Variants in FAAH2 observed in about 807,000 individuals in gnomAD.
FAAH2 encodes the protein fatty-acid amide hydrolase 2.
Under a neutral mutation model 36.9 loss-of-function variants are expected in FAAH2, and 60 were observed. The ratio of observed to expected loss-of-function variants is 1.63; its 90% confidence interval spans 1.32 to 2.02. The LOEUF is 2.02. FAAH2 is among the 30% of genes most tolerant of loss of function. The pLI, the probability that FAAH2 is intolerant of heterozygous loss-of-function variation, is 0.00. For missense variants in FAAH2, 689 were observed against 397.5 expected (o/e 1.73, Z -6.23); for synonymous variants, 214 against 143.8 (o/e 1.49, Z -3.49).
chrX:57,384,499 C>T (rs1452233035), intron 7 of FAAH2, among the ~76,000 whole-genome samples: 7 of 110,259 alleles, frequency 6.3e-5, no homozygotes, highest in African/African-American at 2.3e-4. Context: ...ACAACCCCAT[C>T]AAAAAGTGGG....
chrX:57,272,257 G>A, the FAAH2 span, among the ~76,000 whole-genome samples: 1 of 110,192 alleles, frequency 9.1e-6, no homozygotes, highest in African/African-American at 3.3e-5. Context: ...GGGACTATGT[G>A]AAAAGACCAA....
chrX:57,430,130 C>T (rs1328408776), intron 7 of FAAH2, among the ~76,000 whole-genome samples: 1 of 111,186 alleles, frequency 9.0e-6, no homozygotes, highest in Non-Finnish European at 1.9e-5. Context: ...CAGACTTCAC[C>T]ATTATGCAAT....
At chrX:57,192,681 T>C in the FAAH2 span, among the ~76,000 whole-genome samples, 4 of 111,954 alleles carry the variant, frequency 3.6e-5, no homozygotes, top group Non-Finnish European at 7.5e-5. Flanking sequence ...GGACCCCAAA[T>C]GGAAGGACTG....
At chrX:57,284,307 A>G (rs1261587662), upstream of FAAH2, among the ~76,000 whole-genome samples, 1 of 111,204 alleles carries the variant, frequency 9.0e-6, no homozygotes, top group East Asian at 2.8e-4. Context: ...CCGGGAGGCA[A>G]AGGTTGCAAT....
intron 7 of FAAH2, among the ~76,000 whole-genome samples, chrX:57,427,149 A>C (rs2056182295): frequency 9.0e-6 from 1 of 110,979 alleles, no homozygotes; most frequent in Admixed American, 9.6e-5. Context: ...GGAAATGGAT[A>C]AATTTCTGGA....
chrX:57,262,649 A>T, the FAAH2 span, among the ~76,000 whole-genome samples: 1 of 111,668 alleles, frequency 9.0e-6, no homozygotes, highest in Non-Finnish European at 1.9e-5. Flanking sequence ...AAATCTAAAT[A>T]AAGATAGTCT....
At chrX:57,300,394 G>T (rs759730993) in intron 2 of FAAH2, among the ~76,000 whole-genome samples, 16 of 111,821 alleles carry the variant, frequency 1.4e-4, no homozygotes, top group Non-Finnish European at 2.8e-4. Context: ...TGTGAAAACC[G>T]GCTAGCTATA....
chrX:57,223,485 C>T, the FAAH2 span, among the ~76,000 whole-genome samples: 1 of 111,581 alleles, frequency 9.0e-6, no homozygotes, highest in Non-Finnish European at 1.9e-5. Flanking sequence ...ACCTCTCTTG[C>T]AACTTCTCTG....
chrX:57,432,029 G>C lies in FAAH2; in HGVS notation c.1108G>C (p.Asp370His). Reference protein sequence around the residue: ...WIAMMSAKGHDGKEPVKFVDL... With the variant: ...WIAMMSAKGHHGKEPVKFVDL... ...CGCAATGATGTCAGCAAAGGGACAT[G>C]ATGGGAAGGTATTTTTACCTCTTTC... The change falls in exon 8 of 11, where the codon GAT (aspartate) becomes CAT (histidine). Residue 370 changes from aspartate to histidine, a missense_variant. Physicochemically the swap from Asp to His is moderately conservative, Grantham distance 81. Coordinates refer to ENST00000374900, the MANE Select transcript of FAAH2 (RefSeq NM_174912.4). 4 of 1,196,463 alleles carry C rather than the reference G, an allele frequency of 3.3e-6. No individual in the cohort carries two copies. Among genetic ancestry groups the C allele is most frequent in the Non-Finnish European group, 4.5e-6 (4 of 887,604 alleles).
chrX:57,312,980 G>A (rs933045163), intron 3 of FAAH2, among the ~76,000 whole-genome samples: 1 of 111,329 alleles, frequency 9.0e-6, no homozygotes, highest in Non-Finnish European at 1.9e-5. Flanking sequence ...TCCAAGGAAT[G>A]CAAAGCATCC....
At chrX:57,361,196 T>A (rs1370220744) in intron 5 of FAAH2, among the ~76,000 whole-genome samples, 3 of 112,169 alleles carry the variant, frequency 2.7e-5, no homozygotes, top group African/African-American at 9.7e-5. Flanking sequence ...TTACTCATAA[T>A]TAGTTTGCTC....
intron 2 of FAAH2, among the ~76,000 whole-genome samples, chrX:57,305,831 T>C (rs2052506446): frequency 9.0e-6 from 1 of 111,637 alleles, no homozygotes; most frequent in African/African-American, 3.3e-5. Flanking sequence ...TCACAGACTT[T>C]CTCCTTCAGC....
intron 10 of FAAH2, among the ~76,000 whole-genome samples, chrX:57,484,086 T>G (rs1359706507): frequency 9.0e-6 from 1 of 110,900 alleles, no homozygotes; most frequent in Non-Finnish European, 1.9e-5. Flanking sequence ...ATTACAGACA[T>G]GAGCCACTGC....
chrX:57,438,490 C>A (rs1172137412), intron 8 of FAAH2, among the ~76,000 whole-genome samples: 1 of 109,397 alleles, frequency 9.1e-6, no homozygotes, highest in Admixed American at 9.8e-5. Context: ...AAAATATAAA[C>A]AAAATTACCA....
intron 2 of FAAH2, among the ~76,000 whole-genome samples, chrX:57,304,090 C>T (rs1371985247): frequency 9.0e-6 from 1 of 111,272 alleles, no homozygotes. Context: ...GCCTGTAATC[C>T]CAGCTACTCA....
rs368961846 is a variant in FAAH2 at position 57,414,629 on chromosome X, T to C, written c.997-17289T>C. Among the ~76,000 whole-genome samples the C allele has an allele frequency of 2.2e-4, 25 of 111,448 alleles. No individual in the cohort carries two copies. In the East Asian group the frequency reaches 5.9e-3, roughly 26 times the overall value. On this transcript the variant is annotated intron_variant, in intron 7 of 10. Coordinates refer to ENST00000374900, the MANE Select transcript of FAAH2 (RefSeq NM_174912.4). ...TGGATTCAGTTTGCCAGTATTTTAT[T>C]GAGGATTTTTGCATTGATATTAATG...
chrX:57,329,264 G>T (rs1283142498), intron 3 of FAAH2, among the ~76,000 whole-genome samples: 1 of 111,840 alleles, frequency 8.9e-6, no homozygotes, highest in Non-Finnish European at 1.9e-5. Flanking sequence ...ATGACTGGGG[G>T]CATAGGGCTT....
At chrX:57,354,018 T>C (rs1275538377) in intron 5 of FAAH2, among the ~76,000 whole-genome samples, 1 of 110,794 alleles carries the variant, frequency 9.0e-6, no homozygotes, top group African/African-American at 3.3e-5. Flanking sequence ...GTGTAGTCTG[T>C]GAAAAACAGT....
At chrX:57,150,419 A>G in the FAAH2 span, among the ~76,000 whole-genome samples, 1 of 111,801 alleles carries the variant, frequency 8.9e-6, no homozygotes, top group South Asian at 3.8e-4. Flanking sequence ...GTCACTAAGG[A>G]CTTGCTTTAT....
Sources: gnomAD v4.1 joint callset for allele counts (sites outside exome capture counted in the v4.1 genomes callset) on GRCh38, gnomAD v4.1.1 for gene constraint, MANE v1.5 for transcripts, NCBI Gene and HGNC (gene_info 2026-07-23, HGNC 2026-07-21) for gene names.